Variants in ADAMTSL1 observed in about 807,000 individuals in gnomAD.
The protein encoded by ADAMTSL1 is ADAMTS-like protein 1.
ADAMTSL1 carries 126 observed loss-of-function variants against 201.8 expected under a neutral mutation model. The ratio of observed to expected loss-of-function variants is 0.62; its 90% CI spans 0.54 to 0.72. ADAMTSL1 has a LOEUF of 0.72. ADAMTSL1 is among the 30% of genes least tolerant of loss of function. ADAMTSL1 has a pLI of 0.00. For synonymous variants in ADAMTSL1, 1,121 were observed against 903.4 expected, an observed-to-expected ratio of 1.24 and a Z score of -4.32; for missense variants, 2,679 against 2,277.8, an observed-to-expected ratio of 1.18 and a Z score of -3.59.
intron 3 of ADAMTSL1, among the ~76,000 whole-genome samples, chr9:18,560,083 T>C (rs1350467564): frequency 1.3e-5 from 2 of 152,240 alleles, no homozygotes; most frequent in African/African-American, 2.4e-5. Context: ...CCTTGTCTTG[T>C]ACCAGTTTTC....
At chr9:18,896,034 T>C (rs1038240074) in intron 26 of ADAMTSL1, among the ~76,000 whole-genome samples, 1 of 122,764 alleles carries the variant, frequency 8.1e-6, no homozygotes. Flanking sequence ...AACTTGAAGA[T>C]AGATAGGCCA....
At chr9:17,941,192 T>C (rs11793268) in intron 1 of ADAMTSL1, among the ~76,000 whole-genome samples, 24,648 of 152,112 alleles carry the variant, frequency 0.16, 2,589 homozygotes, top group Middle Eastern at 0.25. Context: ...TTGGTTTAGA[T>C]GTTTCAGGCA....
intron 7 of ADAMTSL1, among the ~76,000 whole-genome samples, chr9:18,642,234 A>G (rs547326810): frequency 6.6e-6 from 1 of 152,050 alleles, no homozygotes; most frequent in Non-Finnish European, 1.5e-5. Flanking sequence ...GCAGGATTTT[A>G]TTTTTGAGAT....
intron 3 of ADAMTSL1, among the ~76,000 whole-genome samples, chr9:18,552,183 G>T (rs971141491): frequency 6.6e-6 from 1 of 151,626 alleles, no homozygotes; most frequent in East Asian, 1.9e-4. Flanking sequence ...CCTTAGGTTT[G>T]AAGCTTGGTG....
At chr9:18,371,094 A>C (rs1279136825) in intron 2 of ADAMTSL1, among the ~76,000 whole-genome samples, 1 of 152,162 alleles carries the variant, frequency 6.6e-6, no homozygotes, top group Admixed American at 6.5e-5. Flanking sequence ...TTAAAAACTA[A>C]ATTCTTGCTT....
intron 23 of ADAMTSL1, among the ~76,000 whole-genome samples, chr9:18,864,199 T>G (rs1428725941): frequency 6.6e-6 from 1 of 152,206 alleles, no homozygotes; most frequent in Non-Finnish European, 1.5e-5. Flanking sequence ...CCCCGTGAAC[T>G]GGGTTCAGTC....
At chr9:18,507,641 C>A (rs1362181716) in intron 2 of ADAMTSL1, among the ~76,000 whole-genome samples, 1 of 152,110 alleles carries the variant, frequency 6.6e-6, no homozygotes, top group African/African-American at 2.4e-5. Flanking sequence ...TTAGATAGTT[C>A]CTGCTTTGAT....
chr9:18,737,598 A>G (rs192098420), intron 15 of ADAMTSL1, among the ~76,000 whole-genome samples: 2 of 152,316 alleles, frequency 1.3e-5, no homozygotes, highest in East Asian at 1.9e-4. Context: ...TTATATTCCA[A>G]AAAGCCAGAG....
intron 3 of ADAMTSL1, among the ~76,000 whole-genome samples, chr9:18,557,034 G>A (rs949452686): frequency 5.4e-4 from 82 of 152,056 alleles, no homozygotes; most frequent in African/African-American, 1.9e-3. Context: ...ATTAGGGAAG[G>A]AAGTGACAGG....
intron 2 of ADAMTSL1, among the ~76,000 whole-genome samples, chr9:18,269,801 A>G (rs1464627402): frequency 1.6e-4 from 24 of 151,706 alleles, no homozygotes; most frequent in African/African-American, 5.8e-4. Flanking sequence ...TGTTACCACA[A>G]ACCAAAGGGG....
chr9:18,639,540 T>G (rs1827315935), intron 7 of ADAMTSL1, 129 bp downstream of exon 7: 6 of 1,098,142 alleles, frequency 5.5e-6, no homozygotes, highest in Non-Finnish European at 7.7e-6. Context: ...CAGGAAATGT[T>G]TAATCTGAGG....
chr9:18,178,570 G>T (rs555481159), intron 2 of ADAMTSL1, among the ~76,000 whole-genome samples: 3 of 152,024 alleles, frequency 2.0e-5, no homozygotes, highest in African/African-American at 7.2e-5. Context: ...CACCTCTGGG[G>T]GCAGGGCACA....
intron 1 of ADAMTSL1, among the ~76,000 whole-genome samples, chr9:18,109,196 C>T (rs1414434738): frequency 1.3e-5 from 2 of 152,142 alleles, no homozygotes; most frequent in African/African-American, 4.8e-5. Context: ...ATCTTTCCTC[C>T]TTTACATTCA....
intron 13 of ADAMTSL1, among the ~76,000 whole-genome samples, chr9:18,705,009 G>A (rs1832150561): frequency 1.3e-5 from 2 of 152,226 alleles, no homozygotes; most frequent in African/African-American, 4.8e-5. Flanking sequence ...ACTGAGTGCT[G>A]CTTTGGGGGA....
At chr9:18,298,274 C>T (rs1054171330) in intron 2 of ADAMTSL1, among the ~76,000 whole-genome samples, 6 of 152,010 alleles carry the variant, frequency 3.9e-5, no homozygotes, top group Non-Finnish European at 8.8e-5. Flanking sequence ...ACCAGAGAGC[C>T]GTGCAGGGTA....
At chr9:18,559,654 T>C (rs535086555) in intron 3 of ADAMTSL1, among the ~76,000 whole-genome samples, 1 of 152,336 alleles carries the variant, frequency 6.6e-6, no homozygotes. Context: ...GGAATGTTTT[T>C]CCATTTGTTT....
At chr9:17,947,342 CACA>C (rs1827540831) in intron 1 of ADAMTSL1, among the ~76,000 whole-genome samples, 2 of 148,040 alleles carry the variant, frequency 1.4e-5, no homozygotes, top group Non-Finnish European at 3.0e-5. Flanking sequence ...CACACACACA[CACA>C]CCCCACTATG....
At chr9:18,317,449 T>C (rs1414813714) in intron 2 of ADAMTSL1, among the ~76,000 whole-genome samples, 3 of 152,092 alleles carry the variant, frequency 2.0e-5, no homozygotes, top group African/African-American at 7.2e-5. Flanking sequence ...TTAACTAAGT[T>C]TGGTGATGGA....
chr9:18,328,360 T>C lies in ADAMTSL1; in HGVS notation c.207+164379T>C, dbSNP rs58852815. On this transcript the variant is annotated intron_variant, in intron 2 of 29. Transcript: ENST00000680146. ...ATTTTCCTGTTTGTCTCTTTTTCTA[T>C]ATTCAATGTCCCTGAGGACATGAAC... is the stretch of plus-strand genomic sequence containing the variant. Among the ~76,000 whole-genome samples, 1,282 of 152,342 alleles carry C rather than the reference T, an allele frequency of 8.4e-3. 27 individuals are homozygous for C. Among genetic ancestry groups the C allele is most frequent in the African/African-American group, 0.029 (1,212 of 41,568 alleles).
Sources: gnomAD v4.1 joint callset for allele counts (sites outside exome capture counted in the v4.1 genomes callset) on GRCh38, gnomAD v4.1.1 for gene constraint, MANE v1.5 for transcripts, NCBI Gene and HGNC (gene_info 2026-07-23, HGNC 2026-07-21) for gene names.